The following PCDHA1 variants were observed in gnomAD, a reference collection of about 807,000 sequenced individuals.
PCDHA1 encodes the protein protocadherin alpha-1.
Under a neutral mutation model 61.3 loss-of-function variants are expected in PCDHA1, and 42 were observed. The observed-to-expected ratio is 0.69, with a 90% CI of 0.54 to 0.89. The LOEUF is 0.89. Ranked by LOEUF, PCDHA1 falls within the 40% of genes least tolerant of loss-of-function variation. The pLI, the probability that PCDHA1 is intolerant of heterozygous loss-of-function variation, is 0.00. For missense variants in PCDHA1, 1,256 were observed against 1,235.3 expected, an observed-to-expected ratio of 1.02 and a Z score of -0.25; for synonymous variants, 610 against 553.8, an observed-to-expected ratio of 1.10 and a Z score of -1.43.
intron 3 of PCDHA1, among the ~76,000 whole-genome samples, chr5:140,995,470 T>C (rs543327839): frequency 5.6e-4 from 86 of 152,360 alleles, no homozygotes; most frequent in Middle Eastern, 3.4e-3. Flanking sequence ...TTGAAATTTT[T>C]CATTTAATAT....
intron 1 of PCDHA1, chr5:140,829,556 C>G: frequency 6.2e-7 from 1 of 1,612,808 alleles, no homozygotes; most frequent in Middle Eastern, 1.9e-4. Flanking sequence ...GGAGAACGCG[C>G]TGGTGTCCTA....
intron 1 of PCDHA1, chr5:140,870,939 G>C (rs555504652): frequency 6.2e-7 from 1 of 1,613,732 alleles, no homozygotes; most frequent in South Asian, 1.1e-5. Flanking sequence ...AATTGCAGCC[G>C]GCGGCGGGCG....
rs781985413 is a variant in PCDHA1 at position 140,857,290 on chromosome 5, C to T, written c.2394+68606C>T. On this transcript the variant is annotated intron_variant, in intron 1 of 3. Coordinates refer to ENST00000504120, the MANE Select transcript of PCDHA1 (RefSeq NM_018900.4). ...TGGTGCTGGACAGCGCTCTGGACCG[C>T]GAGAGGGTGTCGGCCTATGAGCTGG... 16 of 1,598,706 alleles carry T rather than the reference C, an allele frequency of 1.0e-5. 2 individuals carry two copies. Among genetic ancestry groups the T allele is most frequent in the Non-Finnish European group, 1.4e-5 (16 of 1,168,040 alleles).
chr5:140,966,826 G>T, intron 1 of PCDHA1: 5 of 1,560,694 alleles, frequency 3.2e-6, no homozygotes, highest in Non-Finnish European at 4.3e-6. Context: ...GGCGGCCCAT[G>T]CCCTGGCTGC....
At chr5:140,950,608 T>G (rs1490243292) in intron 1 of PCDHA1, among the ~76,000 whole-genome samples, 1 of 152,086 alleles carries the variant, frequency 6.6e-6, no homozygotes, top group Non-Finnish European at 1.5e-5. Context: ...GACTATGATG[T>G]GCTTATTTAT....
chr5:140,809,935 T>G (rs1764570096), intron 1 of PCDHA1: 1 of 166,918 alleles, frequency 6.0e-6, no homozygotes, highest in Non-Finnish European at 1.3e-5. Context: ...ATAAATTGTA[T>G]GAAAGTGAAA....
chr5:140,829,489 G>A (rs2150168747), intron 1 of PCDHA1: 1 of 1,613,588 alleles, frequency 6.2e-7, no homozygotes, highest in African/African-American at 1.3e-5. Flanking sequence ...TCGTGAAGGA[G>A]AACAACCCGC....
intron 1 of PCDHA1, among the ~76,000 whole-genome samples, chr5:140,798,123 A>G (rs1383324468): frequency 1.3e-5 from 2 of 151,950 alleles, no homozygotes; most frequent in African/African-American, 4.8e-5. Context: ...CCACCCTCCT[A>G]GGCCTCCCAA....
At chr5:140,848,502 T>C (rs2150411498) in intron 1 of PCDHA1, 1 of 1,586,510 alleles carries the variant, frequency 6.3e-7, no homozygotes, top group Non-Finnish European at 8.6e-7. Context: ...TGAAATGTTA[T>C]ACTCAAGTCG....
chr5:140,870,124 G>A, intron 1 of PCDHA1: 1 of 1,613,940 alleles, frequency 6.2e-7, no homozygotes, highest in Non-Finnish European at 8.5e-7. Context: ...GGAAATCTTG[G>A]ACACCAACGA....
chr5:140,870,200 C>G lies in PCDHA1; in HGVS notation c.2394+81516C>G, dbSNP rs377755323. Reference sequence around the variant, plus strand: ...GTACGAGAGGACGCTCAGCCCAGCACGGTCATTGCCCTGATCAGCGTGTCT... The same window carrying G: ...GTACGAGAGGACGCTCAGCCCAGCAGGGTCATTGCCCTGATCAGCGTGTCT... On this transcript the variant is annotated intron_variant, in intron 1 of 3. Transcript: ENST00000504120. 7 of 1,614,056 alleles carry G rather than the reference C, an allele frequency of 4.3e-6. No homozygotes were observed. The African/African-American group carries it at 9.3e-5, about 22-fold the overall frequency.
chr5:140,807,366 T>C (rs1763899962), intron 1 of PCDHA1: 1 of 1,608,846 alleles, frequency 6.2e-7, no homozygotes, highest in South Asian at 1.1e-5. Flanking sequence ...GCGGAGCTGG[T>C]GCCGCGCCTG....
chr5:140,994,358 G>A (rs2097616894), intron 3 of PCDHA1, among the ~76,000 whole-genome samples: 1 of 152,162 alleles, frequency 6.6e-6, no homozygotes, highest in Admixed American at 6.5e-5. Flanking sequence ...GACCTCAGAA[G>A]ATGGAATTGG....
chr5:140,947,760 A>C (rs1332466215), intron 1 of PCDHA1, among the ~76,000 whole-genome samples: 1 of 151,618 alleles, frequency 6.6e-6, no homozygotes, highest in Non-Finnish European at 1.5e-5. Context: ...TTATGGTTTA[A>C]AAAATTCTAT....
At position 140,835,833 on chromosome 5, in the gene PCDHA1, G is replaced by A. The variant is rs2150246145; in HGVS notation, c.2394+47149G>A. 4.3e-6 allele frequency: 7 copies of A among 1,612,446 alleles called. No homozygotes were observed. In the Admixed American group the frequency reaches 1.2e-4, roughly 27 times the overall value. On this transcript the variant is annotated intron_variant, in intron 1 of 3. Coordinates refer to ENST00000504120, the MANE Select transcript of PCDHA1 (RefSeq NM_018900.4). ...CACTGTGTCGGCGGGGGACGCGGAC[G>A]CGCAGAAGAACGCGCTGGTGTCCTA...
At chr5:140,870,863 G>A in intron 1 of PCDHA1, 1 of 1,613,928 alleles carries the variant, frequency 6.2e-7, no homozygotes, top group Non-Finnish European at 8.5e-7. Flanking sequence ...GTGGGTGCGG[G>A]CCACGTGGTG....
At chr5:140,922,547 G>A (rs1269163353) in intron 1 of PCDHA1, among the ~76,000 whole-genome samples, 2 of 152,192 alleles carry the variant, frequency 1.3e-5, no homozygotes, top group Non-Finnish European at 2.9e-5. Context: ...GGCAAGGTAA[G>A]GAGAAAAGTC....
At chr5:140,853,193 T>C in intron 1 of PCDHA1, 2 of 981,640 alleles carry the variant, frequency 2.0e-6, no homozygotes, top group Non-Finnish European at 2.5e-6. Context: ...ATGTGTTCTT[T>C]ATTATTGACG....
chr5:140,801,064 A>G (rs1554121269), intron 1 of PCDHA1: 2 of 1,459,182 alleles, frequency 1.4e-6, no homozygotes, highest in African/African-American at 1.4e-5. Flanking sequence ...TGCATTACGT[A>G]TTCAGATACT....
Sources: allele counts gnomAD v4.1 joint callset (sites outside exome capture counted in the v4.1 genomes callset), GRCh38; gene constraint gnomAD v4.1.1; transcripts MANE v1.5; gene names NCBI Gene and HGNC (gene_info 2026-07-23, HGNC 2026-07-21).